HS1BP3: variants seen among roughly 807,000 people sequenced by gnomAD.
HS1BP3 encodes the protein HCLS1 binding protein 3.
Under a neutral mutation model 33.5 loss-of-function variants are expected in HS1BP3, and 32 were observed. The ratio of observed to expected loss-of-function variants is 0.95; its 90% CI spans 0.72 to 1.28. HS1BP3 has a LOEUF of 1.28. Among genes scored for constraint, HS1BP3 ranks in the 50% most tolerant of loss-of-function variants. HS1BP3 has a pLI of 0.00. For missense variants in HS1BP3, 486 were observed against 502.3 expected (o/e 0.97, Z 0.31); for synonymous variants, 187 against 209.2 (o/e 0.89, Z 0.92).
chr2:20,592,850 C>G (rs113217259), intron 3 of HS1BP3: 1 of 152,370 alleles, frequency 6.6e-6, no homozygotes, highest in Non-Finnish European at 1.5e-5. Context: ...ATCTTGAGAT[C>G]CTTAATTTAA....
At chr2:20,622,003 G>C (rs887840192) in intron 6 of HS1BP3, among the ~76,000 whole-genome samples, 1 of 151,842 alleles carries the variant, frequency 6.6e-6, no homozygotes, top group African/African-American at 2.4e-5. Flanking sequence ...TTCTCCCTGG[G>C]TTCCTGCGGA....
intron 1 of HS1BP3, among the ~76,000 whole-genome samples, chr2:20,647,873 C>T (rs547687228): frequency 2.2e-4 from 34 of 152,160 alleles, no homozygotes; most frequent in Non-Finnish European, 3.7e-4. Flanking sequence ...CTGCAGGCCC[C>T]GGGGTGTGCC....
At chr2:20,561,125 C>A (rs1692982650) in intron 5 of HS1BP3, among the ~76,000 whole-genome samples, 1 of 152,208 alleles carries the variant, frequency 6.6e-6, no homozygotes, top group South Asian at 2.1e-4. Flanking sequence ...TGCCTCTGTG[C>A]CTTTGCCTGG....
downstream of HS1BP3, among the ~76,000 whole-genome samples, chr2:20,587,949 G>A (rs1403502535): frequency 6.6e-6 from 1 of 151,772 alleles, no homozygotes. Context: ...CAACCATCTG[G>A]CTGTTCCACA....
chr2:20,627,813 T>C (rs1694834444), intron 4 of HS1BP3, among the ~76,000 whole-genome samples: 2 of 152,116 alleles, frequency 1.3e-5, no homozygotes, highest in Non-Finnish European at 2.9e-5. Flanking sequence ...CAGGGTCCTA[T>C]CCTGAGCGGC....
At chr2:20,566,277 T>C (rs1693125792) in intron 5 of HS1BP3, among the ~76,000 whole-genome samples, 1 of 152,206 alleles carries the variant, frequency 6.6e-6, no homozygotes, top group African/African-American at 2.4e-5. Flanking sequence ...GGGGTACAGC[T>C]CTAAGGGAGA....
intron 2 of HS1BP3, among the ~76,000 whole-genome samples, chr2:20,610,079 G>A (rs1208589485): frequency 6.6e-6 from 1 of 152,002 alleles, no homozygotes; most frequent in Non-Finnish European, 1.5e-5. Flanking sequence ...GCAGTTTTAG[G>A]TTCACAGCAC....
intron 4 of HS1BP3, among the ~76,000 whole-genome samples, chr2:20,626,755 G>C (rs1441544187): frequency 6.6e-6 from 1 of 152,166 alleles, no homozygotes; most frequent in African/African-American, 2.4e-5. Flanking sequence ...TGTGGTGCTG[G>C]AGGTGAGGTG....
downstream of HS1BP3, among the ~76,000 whole-genome samples, chr2:20,556,206 T>G (rs1692837412): frequency 6.6e-6 from 1 of 152,236 alleles, no homozygotes; most frequent in Non-Finnish European, 1.5e-5. Flanking sequence ...CTATGAGAAC[T>G]GATACATTTA....
At position 20,611,991 on chromosome 2, in the gene HS1BP3, C is replaced by A. The variant is rs1436213653; in HGVS notation, c.178+11905G>T. On this transcript the variant is annotated intron_variant, in intron 2 of 3. Transcript: ENST00000415264. This position sits in a 1 kb window ranked among gnomAD's most constrained non-coding sequence, Gnocchi z 4.9. Reference sequence around the variant, plus strand: ...ACTCAAACTCTAGGATTCCTCATAGCCCAATAGACAGCAGCTTAACAGAAT... The same window carrying A: ...ACTCAAACTCTAGGATTCCTCATAGACCAATAGACAGCAGCTTAACAGAAT... Among the ~76,000 whole-genome samples the A allele has an allele frequency of 6.6e-6, 1 of 152,224 alleles. No homozygotes were observed. Among genetic ancestry groups the A allele is most frequent in the Non-Finnish European group, 1.5e-5 (1 of 68,042 alleles).
Position 20,618,585 on chromosome 2 carries a change from A to G in HS1BP3, c.*402T>C. 2 of 401,770 alleles carry G rather than the reference A, an allele frequency of 5.0e-6. No homozygotes were observed. The highest frequency in any genetic ancestry group is 7.0e-6 in the Non-Finnish European group (2 of 286,998). 24.9% of individuals were successfully genotyped at this position (401,770 alleles called of 1,614,324 possible). On this transcript the variant is annotated 3_prime_UTR_variant, in exon 7 of 7. Transcript: ENST00000304031. ...AGAGGAGGGATAGAGGCCCAGCCCC[A>G]GTTTGGGTCTGTGCTGGGGCTGGCA...
downstream of HS1BP3, among the ~76,000 whole-genome samples, chr2:20,617,305 C>T (rs776255149): frequency 1.8e-4 from 28 of 152,054 alleles, no homozygotes; most frequent in Non-Finnish European, 3.1e-4. Context: ...GAAGGAGGGG[C>T]GGGTGTGAAG....
chr2:20,617,233 A>G (rs1572336029), downstream of HS1BP3, among the ~76,000 whole-genome samples: 2 of 151,440 alleles, frequency 1.3e-5, no homozygotes, highest in South Asian at 4.2e-4. Flanking sequence ...TCCCCTCCCC[A>G]CTCCTACTGA....
At chr2:20,599,623 C>CACAT (rs1288523355) in intron 2 of HS1BP3, among the ~76,000 whole-genome samples, 2 of 146,350 alleles carry the variant, frequency 1.4e-5, no homozygotes, top group African/African-American at 5.1e-5. Context: ...CACACACACA[C>CACAT]ACACACACAC....
chr2:20,643,370 G>C (rs147610698), intron 2 of HS1BP3, among the ~76,000 whole-genome samples: 3 of 152,130 alleles, frequency 2.0e-5, no homozygotes, highest in African/African-American at 7.2e-5. Flanking sequence ...TTCATGCCCC[G>C]CAACATCAAG....
Position 20,619,145 on chromosome 2 carries a change from G to T in HS1BP3, c.1021C>A (p.Pro341Thr), listed in dbSNP as rs921106545. The T allele has an allele frequency of 1.9e-6, 3 of 1,614,172 alleles. No homozygotes were observed. The highest frequency in any genetic ancestry group is 2.5e-6 in the Non-Finnish European group (3 of 1,180,022). ...KPPVAAKPVIPRKPAVPPKAG... is the reference protein window; with the variant it reads ...KPPVAAKPVITRKPAVPPKAG... ...TTGGGGGGAACAGCTGGTTTTCTGG[G>T]TATCACCGGCTTAGCTGCCACTGGT... Residue 341 changes from proline (P) to threonine (T), a missense_variant, in exon 7 of 7, where the codon CCC becomes ACC. Coordinates refer to ENST00000304031, the MANE Select transcript of HS1BP3 (RefSeq NM_022460.4).
intron 2 of HS1BP3, among the ~76,000 whole-genome samples, chr2:20,603,233 T>A (rs998563805): frequency 1.3e-5 from 2 of 152,198 alleles, no homozygotes; most frequent in Non-Finnish European, 2.9e-5. Flanking sequence ...TAGGTATATG[T>A]CCAAGAGAAA....
chr2:20,561,990 A>G (rs1693008772), intron 5 of HS1BP3, among the ~76,000 whole-genome samples: 1 of 152,212 alleles, frequency 6.6e-6, no homozygotes, highest in South Asian at 2.1e-4. Context: ...TCAATCATAC[A>G]GAAGTAATAA....
Position 20,595,297 on chromosome 2 carries a change from G to T in HS1BP3, c.*13-2503C>A, listed in dbSNP as rs1693917830. ...ACAGCTGTAACTACCCTGGGACAGAGCTGTGTCTACCCACGGGAAGGGGGA... is the reference window on the plus strand; with the variant it reads ...ACAGCTGTAACTACCCTGGGACAGATCTGTGTCTACCCACGGGAAGGGGGA... On this transcript the variant is annotated intron_variant, in intron 3 of 3. Transcript: ENST00000415264. 2.0e-5 allele frequency among the ~76,000 whole-genome samples: 3 copies of T among 152,296 alleles called. No homozygotes were observed. In the South Asian group the frequency reaches 6.2e-4, roughly 32 times the overall value.
Sources: gnomAD v4.1 joint callset for allele counts (sites outside exome capture counted in the v4.1 genomes callset) on GRCh38, gnomAD v4.1.1 for gene constraint, Gnocchi (gnomAD v3.1) non-coding constraint, MANE v1.5 for transcripts, NCBI Gene and HGNC (gene_info 2026-07-23, HGNC 2026-07-21) for gene names.